Variants in NOL4 observed in about 807,000 individuals in gnomAD.
The protein encoded by NOL4 is cancer/testis antigen 125.
In NOL4, 17 loss-of-function variants were observed where a neutral mutation model predicts 75.9. That is an observed-to-expected ratio of 0.22 (90% CI 0.15 to 0.34). The LOEUF (loss-of-function observed/expected upper bound fraction) is 0.34, where lower values mean the gene tolerates loss of function less well. Among genes scored for constraint, NOL4 ranks in the 10% least tolerant of loss-of-function variants. NOL4 has a pLI of 1.00. For synonymous variants in NOL4, 292 were observed against 289.9 expected, an observed-to-expected ratio of 1.01 and a Z score of -0.07; for missense variants, 614 against 793.5, an observed-to-expected ratio of 0.77 and a Z score of 2.72.
chr18:34,156,688 G>C (rs994670571), intron 1 of NOL4: 2 of 152,398 alleles, frequency 1.3e-5, no homozygotes, highest in East Asian at 3.8e-4. Context: ...CACTGTCATC[G>C]CTGATCCGGA....
intron 5 of NOL4, among the ~76,000 whole-genome samples, chr18:34,024,194 A>AAAAAATATATATATATATATATATATAT: frequency 1.1e-4 from 8 of 70,656 alleles, no homozygotes; most frequent in African/African-American, 3.7e-4. Context: ...AAAAAAAAAA[A>AAAAAATATATATATATATATATATATAT]ATATATATAT....
chr18:33,953,615 A>AT (rs556153432), intron 8 of NOL4, among the ~76,000 whole-genome samples: 247 of 152,296 alleles, frequency 1.6e-3, no homozygotes, highest in African/African-American at 5.6e-3. Flanking sequence ...AAAAATGACA[A>AT]TATGGTGCTA....
At chr18:33,906,605 C>T (rs554879116) in intron 9 of NOL4, among the ~76,000 whole-genome samples, 11 of 152,232 alleles carry the variant, frequency 7.2e-5, no homozygotes, top group South Asian at 2.1e-4. Flanking sequence ...GTTGTATCTT[C>T]GGATAATTTG....
chr18:34,216,563 A>AT (rs1210398259), intron 1 of NOL4, among the ~76,000 whole-genome samples: 1 of 151,074 alleles, frequency 6.6e-6, no homozygotes, highest in Non-Finnish European at 1.5e-5. Context: ...AAATTACATA[A>AT]TTTAACATTA....
intron 1 of NOL4, among the ~76,000 whole-genome samples, chr18:34,159,406 C>T (rs1211939234): frequency 2.0e-5 from 3 of 152,142 alleles, no homozygotes; most frequent in Admixed American, 1.3e-4. Context: ...TCCGCTTCAC[C>T]CGAGCATGAG....
chr18:34,084,915 T>TCC (rs1437039629), intron 5 of NOL4, among the ~76,000 whole-genome samples: 2 of 152,156 alleles, frequency 1.3e-5, no homozygotes, highest in African/African-American at 4.8e-5. Context: ...AAAGCTGTTT[T>TCC]TAAAAGAAGT....
At chr18:33,928,551 C>T (rs566595041) in intron 9 of NOL4, among the ~76,000 whole-genome samples, 1 of 152,114 alleles carries the variant, frequency 6.6e-6, no homozygotes, top group East Asian at 1.9e-4. Context: ...ACGAGGGAAG[C>T]CATCTACATG....
chr18:34,133,100 C>A (rs371544834), intron 1 of NOL4, among the ~76,000 whole-genome samples: 1 of 151,760 alleles, frequency 6.6e-6, no homozygotes, highest in African/African-American at 2.4e-5. Flanking sequence ...TAGAGAAACT[C>A]CATCTCTACT....
intron 9 of NOL4, among the ~76,000 whole-genome samples, chr18:33,941,125 T>C (rs1172189537): frequency 6.6e-6 from 1 of 151,952 alleles, no homozygotes; most frequent in Non-Finnish European, 1.5e-5. Context: ...ATGAAATACA[T>C]AATGCTTTTA....
intron 5 of NOL4, chr18:34,048,693 G>A (rs1447201363): frequency 1.4e-6 from 1 of 732,590 alleles, no homozygotes; most frequent in Non-Finnish European, 1.7e-6. Flanking sequence ...AAGACTCAGG[G>A]AAACATGCAC....
chr18:34,025,680 C>A (rs1387960689), intron 5 of NOL4, among the ~76,000 whole-genome samples: 4 of 152,086 alleles, frequency 2.6e-5, no homozygotes, highest in African/African-American at 9.7e-5. Context: ...AATGTTACTT[C>A]AACTAGGCAG....
At chr18:34,053,333 GCTGTACTCTCAGTT>G (rs1329205057) in intron 5 of NOL4, among the ~76,000 whole-genome samples, 3 of 151,918 alleles carry the variant, frequency 2.0e-5, no homozygotes, top group Non-Finnish European at 4.4e-5. Flanking sequence ...AGTAGTGTTT[GCTGTACTCTCAGTT>G]CTAAACTAAA....
At chr18:33,996,923 T>C (rs2073330410) in intron 6 of NOL4, among the ~76,000 whole-genome samples, 1 of 151,926 alleles carries the variant, frequency 6.6e-6, no homozygotes, top group Admixed American at 6.6e-5. Context: ...TGGGTGTATA[T>C]ATACCCAGTA....
chr18:34,176,905 A>G (rs2033601451), intron 1 of NOL4, among the ~76,000 whole-genome samples: 1 of 152,102 alleles, frequency 6.6e-6, no homozygotes, highest in Non-Finnish European at 1.5e-5. Context: ...GCCAAAGACA[A>G]ATAAAAATTA....
At chr18:33,884,116 T>C (rs1322554999) in intron 9 of NOL4, among the ~76,000 whole-genome samples, 1 of 152,102 alleles carries the variant, frequency 6.6e-6, no homozygotes, top group Non-Finnish European at 1.5e-5. Flanking sequence ...TAGAATTGCT[T>C]AAAATAACTT....
chr18:34,092,675 C>A (rs1250457490), intron 5 of NOL4, among the ~76,000 whole-genome samples: 1 of 152,126 alleles, frequency 6.6e-6, no homozygotes, highest in Admixed American at 6.6e-5. Flanking sequence ...AAATAATACA[C>A]AAATTTTGAA....
chr18:34,149,267 C>A (rs1443832677), intron 1 of NOL4, among the ~76,000 whole-genome samples: 1 of 151,392 alleles, frequency 6.6e-6, no homozygotes, highest in African/African-American at 2.4e-5. Context: ...GTGTCCATAG[C>A]CAACAATCTG....
chr18:33,976,983 T>C (rs1037922526), intron 6 of NOL4, among the ~76,000 whole-genome samples: 14 of 152,286 alleles, frequency 9.2e-5, no homozygotes, highest in Admixed American at 2.0e-4. Flanking sequence ...TTAGGTTGCA[T>C]ATAGAATAGT....
chr18:34,032,097 A>C (rs944239491), intron 5 of NOL4, among the ~76,000 whole-genome samples: 3 of 152,198 alleles, frequency 2.0e-5, no homozygotes, highest in Non-Finnish European at 4.4e-5. Flanking sequence ...ACCACCAAAT[A>C]TTACTGCGTC....
Sources: gnomAD v4.1 joint callset for allele counts (sites outside exome capture counted in the v4.1 genomes callset) on GRCh38, gnomAD v4.1.1 for gene constraint, MANE v1.5 for transcripts, NCBI Gene and HGNC (gene_info 2026-07-23, HGNC 2026-07-21) for gene names.